The following CISTR variants were observed in gnomAD, a reference collection of about 807,000 sequenced individuals.
CISTR encodes chondrogenic regulator lncRNA.
intron 1 of CISTR, chr12:53,754,402 A>G (rs556268666): frequency 1.3e-5 from 2 of 152,154 alleles, no homozygotes; most frequent in Non-Finnish European, 2.9e-5. Context: ...ATCTCTCTCT[A>G]TGCAATCAGG....
intron 1 of CISTR, chr12:53,754,514 G>T (rs1937894745): frequency 6.6e-6 from 1 of 152,210 alleles, no homozygotes; most frequent in Non-Finnish European, 1.5e-5. Flanking sequence ...CCTGAGGCAA[G>T]TTACTTAACC....
intron 2 of CISTR, among the ~76,000 whole-genome samples, chr12:53,749,659 T>TC (rs1198371568): frequency 6.6e-6 from 1 of 152,088 alleles, no homozygotes; most frequent in African/African-American, 2.4e-5. Flanking sequence ...GGTGCCTGGG[T>TC]CATTCCTGGC....
At chr12:53,747,487 G>T (rs1329453277) in intron 2 of CISTR, among the ~76,000 whole-genome samples, 1 of 152,130 alleles carries the variant, frequency 6.6e-6, no homozygotes, top group Non-Finnish European at 1.5e-5. Flanking sequence ...GAAGAGGAAG[G>T]GGCAGGGACA....
chr12:53,753,664 G>GT (rs1191880842), intron 1 of CISTR, among the ~76,000 whole-genome samples: 4 of 117,770 alleles, frequency 3.4e-5, no homozygotes, highest in African/African-American at 9.5e-5. Flanking sequence ...GAATGCATAG[G>GT]GGTGTGTGTG....
chr12:53,747,171 G>A (rs1937792304), intron 2 of CISTR, among the ~76,000 whole-genome samples: 1 of 152,232 alleles, frequency 6.6e-6, no homozygotes, highest in Non-Finnish European at 1.5e-5. Flanking sequence ...TGGATCTGGA[G>A]CAGACCAGGC....
rs547636866 is a variant in CISTR at position 53,749,034 on chromosome 12, C to T, written n.1063+1283G>A. Reference sequence around the variant, plus strand: ...TGGCAATTCCAAGCTCTTCAAAATGCCAGAGTTGTCTGGTGCTGAACCAGA... The same window carrying T: ...TGGCAATTCCAAGCTCTTCAAAATGTCAGAGTTGTCTGGTGCTGAACCAGA... On this transcript the variant is annotated intron_variant and non_coding_transcript_variant, in intron 2 of 2. Coordinates refer to ENST00000669269, the Ensembl canonical transcript of CISTR. Among the ~76,000 whole-genome samples the T allele has an allele frequency of 2.6e-5, 4 of 151,716 alleles. No homozygotes were observed. In the South Asian group the frequency reaches 8.3e-4, roughly 32 times the overall value.
intron 2 of CISTR, among the ~76,000 whole-genome samples, chr12:53,748,124 A>T (rs1937803324): frequency 6.6e-6 from 1 of 152,192 alleles, no homozygotes; most frequent in Admixed American, 6.5e-5. Flanking sequence ...CCAGGGGAGC[A>T]GGCAGGGAGG....
intron 1 of CISTR, among the ~76,000 whole-genome samples, chr12:53,752,876 C>T (rs1036364502): frequency 6.6e-5 from 10 of 152,124 alleles, no homozygotes; most frequent in African/African-American, 2.4e-4. Context: ...CACGTCAACC[C>T]GCATTAGTCC....
At chr12:53,754,290 C>G (rs1937891139) in intron 1 of CISTR, 2 of 152,154 alleles carry the variant, frequency 1.3e-5, no homozygotes, top group Admixed American at 1.3e-4. Flanking sequence ...ACAGATGAGG[C>G]TACACAAGTT....
intron 2 of CISTR, among the ~76,000 whole-genome samples, chr12:53,748,164 C>T (rs7297191): frequency 1.3e-5 from 2 of 152,098 alleles, no homozygotes; most frequent in East Asian, 1.9e-4. Context: ...GGAGAATGTT[C>T]GATGAGGAGG....
At chr12:53,747,270 G>A (rs1306591486) in intron 2 of CISTR, among the ~76,000 whole-genome samples, 2 of 152,220 alleles carry the variant, frequency 1.3e-5, no homozygotes, top group African/African-American at 4.8e-5. Flanking sequence ...CAGGAGGCAG[G>A]AGGCAGGCAT....
At position 53,751,009 on chromosome 12, in the gene CISTR, G is replaced by C. The variant is rs1014771790; in HGVS notation, n.415-44C>G. The C allele has an allele frequency of 6.6e-6, 1 of 152,540 alleles. No individual in the cohort carries two copies. Among genetic ancestry groups the C allele is most frequent in the Non-Finnish European group, 1.5e-5 (1 of 68,138 alleles). 9.4% of individuals were successfully genotyped at this position (152,540 alleles called of 1,614,324 possible). A position where few individuals can be genotyped will look rare whatever the true frequency, so the allele number is the denominator to read the frequency against. ...GAACATTGTAAGCCCCGCGCAGACTGTCCCTGTGGAGGAGAAAGGCACATG... is the reference window on the plus strand; with the variant it reads ...GAACATTGTAAGCCCCGCGCAGACTCTCCCTGTGGAGGAGAAAGGCACATG... On this transcript the variant is annotated intron_variant and non_coding_transcript_variant, in intron 1 of 2. Transcript: ENST00000669269. This position sits in a 1 kb window ranked among gnomAD's most constrained non-coding sequence, Gnocchi z 4.6.
At position 53,751,394 on chromosome 12, in the gene CISTR, C is replaced by A. The variant is rs956028951; in HGVS notation, n.415-429G>T. On this transcript the variant is annotated intron_variant and non_coding_transcript_variant, in intron 1 of 2. Transcript: ENST00000669269. This position sits in a 1 kb window ranked among gnomAD's most constrained non-coding sequence, Gnocchi z 4.6. ...GTCCTCTCCTTCACTCTTTCCCCAG[C>A]CCTGTCGCCTCCCACCCCCCTTCCG... Among the ~76,000 whole-genome samples the A allele has an allele frequency of 6.6e-6, 1 of 152,176 alleles. No homozygotes were observed. Among genetic ancestry groups the A allele is most frequent in the African/African-American group, 2.4e-5 (1 of 41,446 alleles).
chr12:53,752,541 A>G (rs1252839728), intron 1 of CISTR, among the ~76,000 whole-genome samples: 1 of 152,204 alleles, frequency 6.6e-6, no homozygotes, highest in African/African-American at 2.4e-5. Flanking sequence ...TAGCGCTGTG[A>G]TAACGAATGT....
At chr12:53,749,292 G>C (rs1416429878) in intron 2 of CISTR, among the ~76,000 whole-genome samples, 2 of 26,748 alleles carry the variant, frequency 7.5e-5, no homozygotes, top group Non-Finnish European at 1.2e-4. Context: ...GAGGCAAGAA[G>C]TGTGTGTGTG....
chr12:53,752,599 C>G (rs1937867004), intron 1 of CISTR, among the ~76,000 whole-genome samples: 1 of 152,214 alleles, frequency 6.6e-6, no homozygotes, highest in African/African-American at 2.4e-5. Flanking sequence ...TCCCTTCTGC[C>G]TTTCCTCAAT....
At chr12:53,754,322 C>T (rs1265541510) in intron 1 of CISTR, 3 of 152,098 alleles carry the variant, frequency 2.0e-5, no homozygotes, top group African/African-American at 7.2e-5. Context: ...TCGAGATCTC[C>T]CAGGCAGAAC....
intron 1 of CISTR, among the ~76,000 whole-genome samples, chr12:53,754,708 T>G (rs1158722527): frequency 6.6e-6 from 1 of 152,204 alleles, no homozygotes; most frequent in Non-Finnish European, 1.5e-5. Context: ...TCATACCTGC[T>G]AGGGACATCA....
intron 2 of CISTR, among the ~76,000 whole-genome samples, chr12:53,749,088 A>G (rs1278604175): frequency 2.0e-5 from 3 of 152,058 alleles, no homozygotes; most frequent in Non-Finnish European, 4.4e-5. Flanking sequence ...CTGCATGGAC[A>G]GCTTGGAGCA....
Sources: allele counts gnomAD v4.1 joint callset (sites outside exome capture counted in the v4.1 genomes callset), GRCh38; gene constraint gnomAD v4.1.1; non-coding constraint Gnocchi (gnomAD v3.1); transcripts MANE v1.5; gene names NCBI Gene and HGNC (gene_info 2026-07-23, HGNC 2026-07-21).